Variants in CTNND2 observed in about 807,000 individuals in gnomAD.
CTNND2 encodes catenin delta-2.
Under a neutral mutation model 144.4 loss-of-function variants are expected in CTNND2, and 22 were observed. The ratio of observed to expected loss-of-function variants is 0.15; its 90% CI spans 0.11 to 0.22. The LOEUF (loss-of-function observed/expected upper bound fraction) is 0.22. CTNND2 is among the 10% of genes least tolerant of loss of function. CTNND2 has a pLI of 1.00. For missense variants in CTNND2, 1,353 were observed against 1,618.8 expected, an observed-to-expected ratio of 0.84 and a Z score of 2.82; for synonymous variants, 751 against 695.6, an observed-to-expected ratio of 1.08 and a Z score of -1.25.
chr5:11,296,925 T>C lies in CTNND2; in HGVS notation c.1628+49447A>G, dbSNP rs537976855. On this transcript the variant is annotated intron_variant, in intron 9 of 21. Coordinates refer to ENST00000304623, the MANE Select transcript of CTNND2 (RefSeq NM_001332.4). ...GCGCAGCACACCAACATGGCACGTGTATACATATGTAACAAACCTGCACGT... is the reference window on the plus strand; with the variant it reads ...GCGCAGCACACCAACATGGCACGTGCATACATATGTAACAAACCTGCACGT... Among the ~76,000 whole-genome samples the C allele has an allele frequency of 2.0e-5, 3 of 152,346 alleles. No homozygotes were observed. The South Asian group carries it at 6.2e-4, about 32-fold the overall frequency.
At chr5:11,595,855 T>G (rs1271027422) in intron 2 of CTNND2, among the ~76,000 whole-genome samples, 1 of 152,172 alleles carries the variant, frequency 6.6e-6, no homozygotes, top group Non-Finnish European at 1.5e-5. Context: ...ACACATTAAT[T>G]AATTAGAGGT....
rs78943347 is a variant in CTNND2 at position 11,298,110 on chromosome 5, A to G, written c.1628+48262T>C. ...CCTAGACATTAAAACTTTACGCCCT[A>G]TGAAAACGATGACAATTTTTAAGTG... is the stretch of plus-strand genomic sequence containing the variant. On this transcript the variant is annotated intron_variant, in intron 9 of 21. Transcript: ENST00000304623. Among the ~76,000 whole-genome samples, 472 of 152,298 alleles carry G rather than the reference A, an allele frequency of 3.1e-3. 6 individuals carry two copies. The highest frequency in any genetic ancestry group is 0.028 in the East Asian group (147 of 5,176).
intron 2 of CTNND2, among the ~76,000 whole-genome samples, chr5:11,676,774 T>A (rs1784196795): frequency 6.6e-6 from 1 of 152,188 alleles, no homozygotes; most frequent in South Asian, 2.1e-4. Flanking sequence ...GTATTTTACG[T>A]TCTACTGCAG....
At chr5:11,303,915 C>A (rs192973696) in intron 9 of CTNND2, among the ~76,000 whole-genome samples, 1 of 152,122 alleles carries the variant, frequency 6.6e-6, no homozygotes, top group Admixed American at 6.5e-5. Flanking sequence ...GGCGGTTTCC[C>A]CCATACTGTT....
chr5:11,032,638 AT>A (rs537165116), intron 16 of CTNND2, among the ~76,000 whole-genome samples: 2,133 of 151,440 alleles, frequency 0.014, 50 homozygotes, highest in African/African-American at 0.048. Flanking sequence ...CTGAGTGCTT[AT>A]TTTTTTTTCC....
chr5:11,129,190 T>C (rs1755227238), intron 12 of CTNND2, among the ~76,000 whole-genome samples: 1 of 49,908 alleles, frequency 2.0e-5, no homozygotes, highest in Non-Finnish European at 3.5e-5. Flanking sequence ...ATATATAATA[T>C]ATAATATATA....
intron 3 of CTNND2, among the ~76,000 whole-genome samples, chr5:11,458,028 A>T (rs1765883833): frequency 6.6e-6 from 1 of 152,212 alleles, no homozygotes; most frequent in South Asian, 2.1e-4. Context: ...ATGACATGAT[A>T]ACAGTATGGA....
intron 2 of CTNND2, among the ~76,000 whole-genome samples, chr5:11,672,693 A>C (rs999920129): frequency 5.3e-5 from 8 of 152,044 alleles, no homozygotes; most frequent in African/African-American, 1.7e-4. Context: ...AAGCCAGTGG[A>C]TCTTAGCTTG....
chr5:11,729,707 C>T (rs937795290), intron 2 of CTNND2, among the ~76,000 whole-genome samples: 9 of 152,160 alleles, frequency 5.9e-5, no homozygotes, highest in Admixed American at 5.2e-4. Flanking sequence ...ATCTAAATGA[C>T]TAAATCAATG....
chr5:11,676,274 A>T (rs945370606), intron 2 of CTNND2, among the ~76,000 whole-genome samples: 4 of 152,110 alleles, frequency 2.6e-5, no homozygotes. Flanking sequence ...ACAGCTTCAT[A>T]TTGTCTCCCT....
At position 11,285,216 on chromosome 5, in the gene CTNND2, C is replaced by G. The variant is rs1472220945; in HGVS notation, c.1629-48393G>C. Among the ~76,000 whole-genome samples, 3 of 152,306 alleles carry G rather than the reference C, an allele frequency of 2.0e-5. No homozygotes were observed. The East Asian group carries it at 5.8e-4, about 29-fold the overall frequency. The stretch of plus-strand genomic sequence containing the variant: ...AAGAACCATCTCCCCTTGAGGCCCC[C>G]TCTTGGTAATTTTTCATCCACTGAC... On this transcript the variant is annotated intron_variant, in intron 9 of 21. Transcript: ENST00000304623.
At chr5:11,794,005 A>G (rs1402463779) in intron 1 of CTNND2, among the ~76,000 whole-genome samples, 1 of 152,204 alleles carries the variant, frequency 6.6e-6, no homozygotes, top group Non-Finnish European at 1.5e-5. Flanking sequence ...TATGGTGTAA[A>G]GCGTGTTTTG....
At chr5:11,460,861 C>T (rs1440999624) in intron 3 of CTNND2, among the ~76,000 whole-genome samples, 2 of 152,022 alleles carry the variant, frequency 1.3e-5, no homozygotes, top group African/African-American at 4.8e-5. Context: ...ACCATACTGA[C>T]CAACATGGCG....
chr5:11,149,864 A>C (rs1757584574), intron 12 of CTNND2, among the ~76,000 whole-genome samples: 1 of 152,198 alleles, frequency 6.6e-6, no homozygotes, highest in Non-Finnish European at 1.5e-5. Flanking sequence ...AAACCTGGAC[A>C]GGGCTGTCTT....
At chr5:11,523,919 G>C (rs1370831701) in intron 3 of CTNND2, among the ~76,000 whole-genome samples, 1 of 152,134 alleles carries the variant, frequency 6.6e-6, no homozygotes, top group Non-Finnish European at 1.5e-5. Flanking sequence ...CTTCAGTTCT[G>C]GTGCTCTATC....
chr5:11,413,658 G>A (rs964990128), intron 3 of CTNND2, among the ~76,000 whole-genome samples: 3 of 152,000 alleles, frequency 2.0e-5, no homozygotes, highest in African/African-American at 4.8e-5. Flanking sequence ...AAAAGTCTAC[G>A]GATTAGGCTG....
chr5:11,088,585 C>T (rs960447040), intron 15 of CTNND2, among the ~76,000 whole-genome samples: 3 of 152,050 alleles, frequency 2.0e-5, no homozygotes, highest in Non-Finnish European at 4.4e-5. Context: ...AACCAGAAAA[C>T]ATGCCATTTT....
chr5:11,500,726 T>C (rs542731932), intron 3 of CTNND2, among the ~76,000 whole-genome samples: 3 of 152,342 alleles, frequency 2.0e-5, no homozygotes, highest in Admixed American at 2.0e-4. Context: ...AATAGCTACA[T>C]ATTCTAAAAT....
chr5:11,749,341 T>C (rs1788483856), intron 1 of CTNND2, among the ~76,000 whole-genome samples: 1 of 152,040 alleles, frequency 6.6e-6, no homozygotes, highest in Non-Finnish European at 1.5e-5. Context: ...TTGAGCGTAG[T>C]GACAATCTTC....
Sources: gnomAD v4.1 joint callset for allele counts (sites outside exome capture counted in the v4.1 genomes callset) on GRCh38, gnomAD v4.1.1 for gene constraint, MANE v1.5 for transcripts, NCBI Gene and HGNC (gene_info 2026-07-23, HGNC 2026-07-21) for gene names.